ANKRD6: variants seen among roughly 807,000 people sequenced by gnomAD.
The protein encoded by ANKRD6 is ankyrin repeat domain 6.
ANKRD6 carries 56 observed loss-of-function variants against 82.3 expected under a neutral mutation model. The observed-to-expected ratio is 0.68, with a 90% CI of 0.55 to 0.85. ANKRD6 has a LOEUF of 0.85. Ranked by LOEUF, ANKRD6 falls within the 40% of genes least tolerant of loss-of-function variation. The pLI is 0.00. For synonymous variants in ANKRD6, 347 were observed against 352.1 expected (o/e 0.99, Z 0.16); for missense variants, 852 against 907.6 (o/e 0.94, Z 0.79).
At chr6:89,461,347 A>G (rs948157113) in intron 1 of ANKRD6, among the ~76,000 whole-genome samples, 1 of 152,232 alleles carries the variant, frequency 6.6e-6, no homozygotes, top group African/African-American at 2.4e-5. Flanking sequence ...ATAAAGGCAC[A>G]TATGATATAA....
chr6:89,445,690 C>A (rs565526073), intron 1 of ANKRD6, among the ~76,000 whole-genome samples: 1 of 152,042 alleles, frequency 6.6e-6, no homozygotes, highest in Non-Finnish European at 1.5e-5. Context: ...GTGATCTGCC[C>A]GCCTCGGCCT....
At chr6:89,495,606 T>G (rs1032301160) in intron 1 of ANKRD6, among the ~76,000 whole-genome samples, 3 of 152,096 alleles carry the variant, frequency 2.0e-5, no homozygotes, top group Non-Finnish European at 4.4e-5. Flanking sequence ...CCCTACTTTC[T>G]TAGTATTTTC....
At chr6:89,567,611 G>A (rs144282557) in intron 2 of ANKRD6, among the ~76,000 whole-genome samples, 61 of 152,332 alleles carry the variant, frequency 4.0e-4, no homozygotes, top group African/African-American at 1.5e-3. Context: ...CAACAGAGAA[G>A]ACTATGAAAG....
At chr6:89,537,582 A>G (rs1783984113) in intron 1 of ANKRD6, among the ~76,000 whole-genome samples, 1 of 151,788 alleles carries the variant, frequency 6.6e-6, no homozygotes, top group African/African-American at 2.4e-5. Flanking sequence ...GAATTATTAT[A>G]TAATTATAAT....
chr6:89,499,033 G>A (rs1006816843), intron 1 of ANKRD6, among the ~76,000 whole-genome samples: 1 of 152,102 alleles, frequency 6.6e-6, no homozygotes, highest in Non-Finnish European at 1.5e-5. Context: ...AGCCAGGAGT[G>A]GTTATGTGAT....
intron 1 of ANKRD6, among the ~76,000 whole-genome samples, chr6:89,555,782 G>A (rs1402685477): frequency 2.0e-5 from 3 of 152,076 alleles, no homozygotes; most frequent in South Asian, 2.1e-4. Flanking sequence ...GCATGGATTT[G>A]TATATCTCTG....
intron 1 of ANKRD6, among the ~76,000 whole-genome samples, chr6:89,520,887 C>T (rs1781811181): frequency 6.6e-6 from 1 of 152,102 alleles, no homozygotes; most frequent in South Asian, 2.1e-4. Context: ...ATCTGGGAGG[C>T]TGAGGTGGGA....
At chr6:89,472,178 A>G (rs1265684859) in intron 1 of ANKRD6, among the ~76,000 whole-genome samples, 3 of 152,096 alleles carry the variant, frequency 2.0e-5, no homozygotes, top group Non-Finnish European at 4.4e-5. Context: ...CCCATTCTAT[A>G]AGACACAAGT....
chr6:89,467,182 A>T (rs963216196), intron 1 of ANKRD6, among the ~76,000 whole-genome samples: 3 of 144,680 alleles, frequency 2.1e-5, no homozygotes, highest in South Asian at 4.4e-4. Context: ...TCTCCTAATT[A>T]AAAAAAAAAA....
intron 1 of ANKRD6, among the ~76,000 whole-genome samples, chr6:89,458,136 T>G (rs1773702207): frequency 6.6e-6 from 1 of 152,170 alleles, no homozygotes; most frequent in Non-Finnish European, 1.5e-5. Flanking sequence ...AGATAAATGT[T>G]TGTTGTTTAA....
At chr6:89,575,222 G>A (rs528225612) in intron 2 of ANKRD6, among the ~76,000 whole-genome samples, 6 of 152,302 alleles carry the variant, frequency 3.9e-5, no homozygotes, top group South Asian at 2.1e-4. Context: ...AAGGGGAGGA[G>A]GGGAAGGTTA....
chr6:89,461,230 A>G lies in ANKRD6; in HGVS notation c.-144+27855A>G, dbSNP rs1446903668. 2.6e-5 allele frequency among the ~76,000 whole-genome samples: 4 copies of G among 152,090 alleles called. No homozygotes were observed. The East Asian group carries it at 7.7e-4, about 29-fold the overall frequency. On this transcript the variant is annotated intron_variant, in intron 1 of 15. Transcript: ENST00000339746. ...CACCTGGCTTGGTGTTTTGGAATTC[A>G]AAGGAGAGTTTTGTTAATAGTTCCT...
intron 1 of ANKRD6, among the ~76,000 whole-genome samples, chr6:89,447,722 C>T (rs565827634): frequency 3.0e-4 from 46 of 152,262 alleles, no homozygotes; most frequent in African/African-American, 1.0e-3. Flanking sequence ...GAGTTTTACT[C>T]TTGTTGCCCA....
Position 89,617,964 on chromosome 6 carries a change from C to T in ANKRD6, c.725C>T (p.Thr242Ile). The T allele has an allele frequency of 6.2e-7, 1 of 1,614,024 alleles. No homozygotes were observed. The highest frequency in any genetic ancestry group is 8.5e-7 in the Non-Finnish European group (1 of 1,179,902). Residue 242 changes from threonine (T) to isoleucine (I), a missense_variant, in exon 9 of 16, where the codon ACT becomes ATT. Physicochemically the swap from Thr to Ile is moderately conservative, Grantham distance 89 (BLOSUM62 -1). Coordinates refer to ENST00000339746, the MANE Select transcript of ANKRD6 (RefSeq NM_001242809.2). ...DTTIVNNAGQ[T>I]PLETARYHNN... ...TCTGCCTCTCCTCAGGCAGGCCAGA[C>T]TCCGCTGGAGACTGCCCGCTACCAC...
intron 6 of ANKRD6, among the ~76,000 whole-genome samples, chr6:89,613,337 ACCCCCCTGCTG>A (rs1800706128): frequency 6.6e-6 from 1 of 151,830 alleles, no homozygotes; most frequent in Non-Finnish European, 1.5e-5. Context: ...AGATTTGACA[ACCCCCCTGCTG>A]CCCTGTCCTT....
At chr6:89,451,266 G>A (rs147973340) in intron 1 of ANKRD6, among the ~76,000 whole-genome samples, 7 of 152,196 alleles carry the variant, frequency 4.6e-5, no homozygotes, top group Admixed American at 2.0e-4. Flanking sequence ...CTGAGATCAC[G>A]CCACTGCACT....
chr6:89,617,891 C>T, intron 8 of ANKRD6, 63 bp from the exon 9 acceptor site: 1 of 1,513,088 alleles, frequency 6.6e-7, no homozygotes, highest in Non-Finnish European at 9.2e-7. Context: ...GCTGTGCCAG[C>T]TGGGCTATGT....
chr6:89,460,775 T>A (rs192890541), intron 1 of ANKRD6, among the ~76,000 whole-genome samples: 4 of 152,226 alleles, frequency 2.6e-5, no homozygotes, highest in East Asian at 1.9e-4. Context: ...AAGTTTTTTT[T>A]ATTAAATTTG....
At chr6:89,537,834 T>A (rs1298499101) in intron 1 of ANKRD6, among the ~76,000 whole-genome samples, 1 of 133,116 alleles carries the variant, frequency 7.5e-6, no homozygotes, top group Admixed American at 8.9e-5. Context: ...AGGTAGAGGT[T>A]ACAAACGTGA....
Sources: gnomAD v4.1 joint callset for allele counts (sites outside exome capture counted in the v4.1 genomes callset) on GRCh38, gnomAD v4.1.1 for gene constraint, MANE v1.5 for transcripts, NCBI Gene and HGNC (gene_info 2026-07-23, HGNC 2026-07-21) for gene names.